The following PTPRT variants were observed in gnomAD, a reference collection of about 807,000 sequenced individuals.
PTPRT encodes receptor-type tyrosine-protein phosphatase T.
PTPRT carries 56 observed loss-of-function variants against 176.8 expected under a neutral mutation model. That is an observed-to-expected ratio of 0.32 (90% confidence interval 0.26 to 0.40). The LOEUF is 0.40. Among genes scored for constraint, PTPRT ranks in the 10% least tolerant of loss-of-function variants. The pLI is 1.00. For synonymous variants in PTPRT, 783 were observed against 739.0 expected, an observed-to-expected ratio of 1.06 and a Z score of -0.96; for missense variants, 1,540 against 1,908.2, an observed-to-expected ratio of 0.81 and a Z score of 3.60.
intron 4 of PTPRT, among the ~76,000 whole-genome samples, chr20:42,775,205 G>A (rs1164173437): frequency 1.3e-5 from 2 of 152,006 alleles, no homozygotes; most frequent in African/African-American, 2.4e-5. Context: ...ATGCCTTGAC[G>A]TTAGTGACAT....
chr20:43,153,480 T>C (rs1260265154), intron 1 of PTPRT, among the ~76,000 whole-genome samples: 2 of 152,226 alleles, frequency 1.3e-5, no homozygotes, highest in South Asian at 2.1e-4. Flanking sequence ...TAAAATGGTA[T>C]GTAAGTGAGT....
intron 13 of PTPRT, among the ~76,000 whole-genome samples, chr20:42,275,465 T>G (rs2057013178): frequency 6.6e-6 from 1 of 152,166 alleles, no homozygotes; most frequent in African/African-American, 2.4e-5. Context: ...AAAGATGGAT[T>G]GGAACTCCCA....
At chr20:42,499,483 AG>A (rs2071713344) in intron 7 of PTPRT, among the ~76,000 whole-genome samples, 2 of 151,756 alleles carry the variant, frequency 1.3e-5, no homozygotes, top group African/African-American at 4.8e-5. Flanking sequence ...GTACAGACGC[AG>A]TTTCACCATG....
At chr20:42,459,437 G>A (rs1234122572) in intron 8 of PTPRT, among the ~76,000 whole-genome samples, 1 of 152,222 alleles carries the variant, frequency 6.6e-6, no homozygotes, top group Non-Finnish European at 1.5e-5. Flanking sequence ...GTGCTGTGTT[G>A]AGAAAAGAAT....
intron 24 of PTPRT, among the ~76,000 whole-genome samples, chr20:42,106,111 T>A (rs1326516865): frequency 2.6e-5 from 4 of 152,196 alleles, no homozygotes; most frequent in African/African-American, 7.2e-5. Flanking sequence ...TCTTCATTGA[T>A]AAATTGGAGA....
At chr20:42,463,678 T>C (rs950052945) in intron 8 of PTPRT, among the ~76,000 whole-genome samples, 2 of 151,728 alleles carry the variant, frequency 1.3e-5, no homozygotes, top group Admixed American at 1.3e-4. Flanking sequence ...ACTTTGGGGG[T>C]AGATATGAGG....
intron 1 of PTPRT, among the ~76,000 whole-genome samples, chr20:43,077,987 T>C (rs545223313): frequency 6.6e-6 from 1 of 152,344 alleles, no homozygotes; most frequent in South Asian, 2.1e-4. Flanking sequence ...TCCCTGAGTA[T>C]ATCAGATACA....
chr20:42,698,236 T>C (rs983383428), intron 6 of PTPRT, among the ~76,000 whole-genome samples: 3 of 152,340 alleles, frequency 2.0e-5, no homozygotes, highest in East Asian at 3.9e-4. Context: ...AGAAGGCTGA[T>C]GTGAGCACAT....
At chr20:42,045,520 G>A in the PTPRT span, among the ~76,000 whole-genome samples, 1 of 151,604 alleles carries the variant, frequency 6.6e-6, no homozygotes, top group South Asian at 2.1e-4. Context: ...CACCAAGCGA[G>A]AGGCTTCAGG....
Position 42,184,541 on chromosome 20 carries a change from C to A in PTPRT, c.2491+14699G>T, listed in dbSNP as rs6072645. On this transcript the variant is annotated intron_variant, in intron 16 of 30. Transcript: ENST00000373187. ...CTCCTTCTTCTTCTTCTTCCTCTTC[C>A]TCTTCTTCTTCTTCTTCTTATTCTT... Among the ~76,000 whole-genome samples the A allele has an allele frequency of 3.3e-5, 3 of 91,624 alleles. 1 individual carries two copies. Among genetic ancestry groups the A allele is most frequent in the African/African-American group, 1.4e-4 (3 of 21,686 alleles). The allele number at this position is 91,624 out of a possible 152,430, so 60.1% of individuals were successfully genotyped here.
intron 17 of PTPRT, among the ~76,000 whole-genome samples, chr20:42,143,337 C>T (rs1177807801): frequency 1.3e-5 from 2 of 151,904 alleles, no homozygotes; most frequent in South Asian, 2.1e-4. Context: ...GAGTGGATCA[C>T]GAGGTCAGGA....
chr20:42,102,013 A>T, intron 26 of PTPRT, 111 bp downstream of exon 26: 1 of 1,295,830 alleles, frequency 7.7e-7, no homozygotes. Context: ...GATCAGAAGC[A>T]GGGGGGGCTG....
chr20:43,140,523 T>G (rs923605518), intron 1 of PTPRT, among the ~76,000 whole-genome samples: 20 of 151,508 alleles, frequency 1.3e-4, no homozygotes, highest in African/African-American at 4.6e-4. Flanking sequence ...TGTAAGTACA[T>G]GCATGTGTGT....
At chr20:42,796,210 C>T (rs984522932) in intron 2 of PTPRT, among the ~76,000 whole-genome samples, 2 of 152,110 alleles carry the variant, frequency 1.3e-5, no homozygotes, top group African/African-American at 4.8e-5. Context: ...ACGCCATATG[C>T]CTATTTAAAA....
intron 26 of PTPRT, among the ~76,000 whole-genome samples, chr20:42,101,405 T>C (rs1304621904): frequency 1.3e-5 from 2 of 152,110 alleles, no homozygotes; most frequent in African/African-American, 4.8e-5. Context: ...CAAACACCTG[T>C]ACACCTTGGA....
At chr20:43,038,215 C>A (rs980870398) in intron 1 of PTPRT, among the ~76,000 whole-genome samples, 1 of 150,670 alleles carries the variant, frequency 6.6e-6, no homozygotes, top group African/African-American at 2.4e-5. Flanking sequence ...TAATAAAATA[C>A]GAATTACAAA....
intron 6 of PTPRT, among the ~76,000 whole-genome samples, chr20:42,691,462 G>A (rs2075792358): frequency 6.6e-6 from 1 of 152,186 alleles, no homozygotes; most frequent in Non-Finnish European, 1.5e-5. Flanking sequence ...GTAAGCTGCT[G>A]AAATGGCTAG....
chr20:42,745,300 C>G (rs956386038), intron 6 of PTPRT, among the ~76,000 whole-genome samples: 1 of 152,192 alleles, frequency 6.6e-6, no homozygotes, highest in African/African-American at 2.4e-5. Context: ...GTTTCTGCAC[C>G]TGGCGTCCTA....
intron 1 of PTPRT, among the ~76,000 whole-genome samples, chr20:43,162,626 CATGGT>C (rs1270446672): frequency 6.6e-6 from 1 of 150,532 alleles, no homozygotes; most frequent in Non-Finnish European, 1.5e-5. Flanking sequence ...GGTCGGTCTC[CATGGT>C]CCATCACTCT....
Sources: allele counts gnomAD v4.1 joint callset (sites outside exome capture counted in the v4.1 genomes callset), GRCh38; gene constraint gnomAD v4.1.1; transcripts MANE v1.5; gene names NCBI Gene and HGNC (gene_info 2026-07-23, HGNC 2026-07-21).